Variants in C20orf203 observed in about 807,000 individuals in gnomAD.
The protein encoded by C20orf203 is uncharacterized protein C20orf203.
A neutral mutation model predicts 15.9 loss-of-function variants in C20orf203; 16 were observed. That is an observed-to-expected ratio of 1.01 (90% CI 0.68 to 1.53). C20orf203 has a LOEUF of 1.53. Ranked by LOEUF, C20orf203 falls within the 40% of genes most tolerant of loss-of-function variation. C20orf203 has a pLI of 0.00. For synonymous variants in C20orf203, 98 were observed against 97.2 expected (o/e 1.01, Z -0.05); for missense variants, 263 against 247.5 (o/e 1.06, Z -0.42).
intron 1 of C20orf203, among the ~76,000 whole-genome samples, chr20:32,669,208 C>T (rs1257133535): frequency 3.3e-5 from 5 of 152,164 alleles, no homozygotes; most frequent in Admixed American, 3.3e-4. Context: ...ACTCAGTGCC[C>T]TTGTGTGTGC....
Position 32,647,324 on chromosome 20 carries a change from G to C in C20orf203, c.*1177+1931C>G, listed in dbSNP as rs9941740. ...GCAGGAGAACTGCTTGAACCTGGGAGGCGGAGGTTGCAGTGAGCCGAGATC... is the reference window on the plus strand; with the variant it reads ...GCAGGAGAACTGCTTGAACCTGGGACGCGGAGGTTGCAGTGAGCCGAGATC... On this transcript the variant is annotated intron_variant, in intron 4 of 5. Coordinates refer to ENST00000608990, the MANE Select transcript of C20orf203 (RefSeq NM_182584.4). Among the ~76,000 whole-genome samples, 826 of 152,022 alleles carry C rather than the reference G, an allele frequency of 5.4e-3. 8 individuals carry two copies. The highest frequency in any genetic ancestry group is 0.019 in the African/African-American group (795 of 41,442).
chr20:32,661,972 G>A (rs368062583), intron 1 of C20orf203, among the ~76,000 whole-genome samples: 16 of 152,266 alleles, frequency 1.1e-4, no homozygotes, highest in Admixed American at 1.3e-4. Context: ...CCAGGAAATG[G>A]AGAAACAGAG....
chr20:32,652,481 T>G (rs780129636), intron 1 of C20orf203, among the ~76,000 whole-genome samples: 2 of 151,844 alleles, frequency 1.3e-5, no homozygotes, highest in Non-Finnish European at 2.9e-5. Flanking sequence ...TTGATTTTAT[T>G]TGAACGATAA....
Position 32,634,182 on chromosome 20 carries a change from G to A in C20orf203, c.*1388C>T, listed in dbSNP as rs6057607. On this transcript the variant is annotated 3_prime_UTR_variant, in exon 6 of 6. Coordinates refer to ENST00000608990, the MANE Select transcript of C20orf203 (RefSeq NM_182584.4). ...GCTCTGATGGAGATGGCGCAGGCAC[G>A]GGCTGCTGGGGCTTGAGTTCAGGGG... The A allele has an allele frequency of 0.13, 50,983 of 398,430 alleles. 3,584 individuals are homozygous for A. The highest frequency in any genetic ancestry group is 0.25 in the South Asian group (1,924 of 7,846). The allele number at this position is 398,430 out of a possible 1,614,324, so 24.7% of individuals were successfully genotyped here.
rs1054543475 is a variant in C20orf203, at chr20:32,634,209, TG to T, written c.*1360del. ...GCTGCTGGGGCTTGAGTTCAGGGGT[TG>T]GGGGGAGGTTCCTAGCCTGGGGGCT... On this transcript the variant is annotated 3_prime_UTR_variant, in exon 6 of 6. Coordinates refer to ENST00000608990, the MANE Select transcript of C20orf203 (RefSeq NM_182584.4). 8.5e-5 allele frequency: 34 copies of T among 398,194 alleles called. No individual in the cohort carries two copies. In the Admixed American group the frequency reaches 1.5e-3, roughly 17 times the overall value. The allele number at this position is 398,194 out of a possible 1,614,324, so 24.7% of individuals were successfully genotyped here.
rs1982602277 is a variant in C20orf203 at position 32,650,894 on chromosome 20, A to C, written c.136-13T>G. 6.9e-7 allele frequency: 1 copy of C among 1,446,436 alleles called. No homozygotes were observed. Among genetic ancestry groups the C allele is most frequent in the Non-Finnish European group, 9.1e-7 (1 of 1,096,882 alleles). 89.6% of individuals were successfully genotyped at this position (1,446,436 alleles called of 1,614,324 possible). A position where few individuals can be genotyped will look rare whatever the true frequency, so the allele number is the denominator to read the frequency against. ...AGACTGATGTGGCCTGTTGGGAACAAGGCCCCCAAGAAGATCATAGAATCT... is the reference window on the plus strand; with the variant it reads ...AGACTGATGTGGCCTGTTGGGAACACGGCCCCCAAGAAGATCATAGAATCT... On this transcript the variant is annotated splice_polypyrimidine_tract_variant and intron_variant, in intron 3 of 5. Coordinates refer to ENST00000608990, the MANE Select transcript of C20orf203 (RefSeq NM_182584.4).
intron 1 of C20orf203, among the ~76,000 whole-genome samples, chr20:32,672,290 G>A (rs1417724379): frequency 6.6e-6 from 1 of 151,600 alleles, no homozygotes; most frequent in Non-Finnish European, 1.5e-5. Context: ...AGTGAGCCGA[G>A]ATCCCACCAC....
chr20:32,637,294 T>G (rs576295321), intron 5 of C20orf203, among the ~76,000 whole-genome samples: 1 of 152,200 alleles, frequency 6.6e-6, no homozygotes, highest in Admixed American at 6.5e-5. Flanking sequence ...GCGCCTATAG[T>G]CTCAGTTACT....
Position 32,634,014 on chromosome 20 carries a change from C to A in C20orf203, c.*1556G>T. The A allele has an allele frequency of 2.5e-6, 1 of 398,656 alleles. No individual in the cohort carries two copies. The highest frequency in any genetic ancestry group is 4.4e-6 in the Non-Finnish European group (1 of 226,076). 24.7% of individuals were successfully genotyped at this position (398,656 alleles called of 1,614,324 possible). A position where few individuals can be genotyped will look rare whatever the true frequency, so the allele number is the denominator to read the frequency against. On this transcript the variant is annotated 3_prime_UTR_variant, in exon 6 of 6. Transcript: ENST00000608990. ...TCCAACTCTTCACTCCTTTCCTCAA[C>A]AAACATTGACTGAAATTGAAATGAG...
At chr20:32,666,985 TATC>T (rs1002539900) in intron 1 of C20orf203, among the ~76,000 whole-genome samples, 6 of 151,384 alleles carry the variant, frequency 4.0e-5, no homozygotes, top group Non-Finnish European at 7.4e-5. Flanking sequence ...ACTAAAATAT[TATC>T]ATTTTAATAT....
At chr20:32,673,368 C>A (rs918432274) in intron 1 of C20orf203, among the ~76,000 whole-genome samples, 1 of 152,106 alleles carries the variant, frequency 6.6e-6, no homozygotes, top group East Asian at 1.9e-4. Context: ...GAGCACAGGG[C>A]GGAAGTGGCT....
chr20:32,654,645 C>A (rs1049909767), intron 1 of C20orf203, among the ~76,000 whole-genome samples: 3 of 152,010 alleles, frequency 2.0e-5, no homozygotes, highest in Non-Finnish European at 4.4e-5. Flanking sequence ...GAGTTTGAGA[C>A]CAGCCTGGGT....
At chr20:32,667,478 T>C (rs1470361135) in intron 1 of C20orf203, among the ~76,000 whole-genome samples, 1 of 152,172 alleles carries the variant, frequency 6.6e-6, no homozygotes, top group Non-Finnish European at 1.5e-5. Flanking sequence ...CGTCTGCTTT[T>C]CCTCTCCCTC....
At chr20:32,663,546 T>C (rs1982947129) in intron 1 of C20orf203, among the ~76,000 whole-genome samples, 1 of 152,196 alleles carries the variant, frequency 6.6e-6, no homozygotes, top group Non-Finnish European at 1.5e-5. Context: ...AATAGCACCA[T>C]AGTTACCTCC....
intron 1 of C20orf203, among the ~76,000 whole-genome samples, chr20:32,665,975 G>A (rs1284742803): frequency 6.6e-6 from 1 of 151,062 alleles, no homozygotes; most frequent in Non-Finnish European, 1.5e-5. Flanking sequence ...TTTAAAAGAT[G>A]AAGTGAAATT....
At chr20:32,647,141 T>G (rs1190020796) in intron 4 of C20orf203, among the ~76,000 whole-genome samples, 1 of 152,194 alleles carries the variant, frequency 6.6e-6, no homozygotes, top group African/African-American at 2.4e-5. Context: ...ACACCTGTAA[T>G]CCCAGCACTT....
At position 32,649,605 on chromosome 20, in the gene C20orf203, A is replaced by G. The variant is rs1430689536; in HGVS notation, c.*827T>C. On this transcript the variant is annotated 3_prime_UTR_variant, in exon 4 of 6. Coordinates refer to ENST00000608990, the MANE Select transcript of C20orf203 (RefSeq NM_182584.4). ...TAACACAGCAAATGCCAGTCCCTCC[A>G]TGTTCTCAGTCTACGAAACAGTGGA... The G allele has an allele frequency of 2.6e-5, 4 of 152,472 alleles. No individual in the cohort carries two copies. In the East Asian group the frequency reaches 7.7e-4, roughly 29 times the overall value. The allele number at this position is 152,472 out of a possible 1,614,324, so 9.4% of individuals were successfully genotyped here.
In C20orf203 at chr20:32,651,168, T is replaced by TAA. The variant is rs11313159; in HGVS notation, c.-14-4_-14-3dup. 1,647 of 296,540 alleles carry TAA rather than the reference T, an allele frequency of 5.6e-3. 21 individuals carry two copies. Among genetic ancestry groups the TAA allele is most frequent in the African/African-American group, 0.036 (970 of 27,264 alleles). The allele number at this position is 296,540 out of a possible 1,614,324, so 18.4% of individuals were successfully genotyped here. ...TAGGAAACATAGGAGACCCTCTCTC[T>TAA]AAAAAAAAAAAAAAAAAAAAAAAAA... On this transcript the variant is annotated splice_polypyrimidine_tract_variant and splice_region_variant and intron_variant, in intron 2 of 5. Coordinates refer to ENST00000608990, the MANE Select transcript of C20orf203 (RefSeq NM_182584.4).
At chr20:32,641,333 C>CAAAAAAA (rs71338447) in intron 4 of C20orf203, among the ~76,000 whole-genome samples, 1 of 56,998 alleles carries the variant, frequency 1.8e-5, no homozygotes, top group Non-Finnish European at 3.5e-5. Flanking sequence ...CTCAAAAACT[C>CAAAAAAA]AAAAAAAAAA....
Sources: gnomAD v4.1 joint callset for allele counts (sites outside exome capture counted in the v4.1 genomes callset) on GRCh38, gnomAD v4.1.1 for gene constraint, MANE v1.5 for transcripts, NCBI Gene and HGNC (gene_info 2026-07-23, HGNC 2026-07-21) for gene names.